Variants in SGCZ observed in about 807,000 individuals in gnomAD.
SGCZ encodes zeta-sarcoglycan.
In SGCZ, 40 loss-of-function variants were observed where a neutral mutation model predicts 41.3. That is an observed-to-expected ratio of 0.97 (90% CI 0.75 to 1.26). SGCZ has a LOEUF of 1.26. Among genes scored for constraint, SGCZ ranks in the 50% most tolerant of loss-of-function variants. The pLI is 0.00. For synonymous variants in SGCZ, 206 were observed against 137.5 expected (o/e 1.50, Z -3.49); for missense variants, 552 against 369.8 (o/e 1.49, Z -4.04).
At chr8:14,348,723 G>T (rs1802980288) in intron 2 of SGCZ, among the ~76,000 whole-genome samples, 1 of 152,202 alleles carries the variant, frequency 6.6e-6, no homozygotes, top group East Asian at 1.9e-4. Flanking sequence ...CTGATTTGGT[G>T]TAAGAAGAAC....
chr8:14,972,790 T>G (rs1801344966), intron 1 of SGCZ, among the ~76,000 whole-genome samples: 1 of 152,134 alleles, frequency 6.6e-6, no homozygotes, highest in Non-Finnish European at 1.5e-5. Flanking sequence ...ATATCTGCAC[T>G]CCTGATCTTT....
At chr8:14,245,289 C>T (rs1045785574) in intron 3 of SGCZ, among the ~76,000 whole-genome samples, 8 of 152,024 alleles carry the variant, frequency 5.3e-5, no homozygotes, top group African/African-American at 1.2e-4. Context: ...GAAATAACGC[C>T]GCATATCTAC....
At chr8:14,751,761 G>A (rs992049176) in intron 1 of SGCZ, among the ~76,000 whole-genome samples, 10 of 151,994 alleles carry the variant, frequency 6.6e-5, no homozygotes, top group Admixed American at 5.9e-4. Flanking sequence ...TGTTAGCCAG[G>A]ATGGTCTTGA....
In SGCZ at chr8:14,886,019, AT is replaced by A. The variant is rs1563339156; in HGVS notation, c.40-331094del. On this transcript the variant is annotated intron_variant, in intron 1 of 7. Coordinates refer to ENST00000382080, the MANE Select transcript of SGCZ (RefSeq NM_139167.4). ...TATATATATATATATATATATATAT[AT>A]ATATATATATATATAAAATTGTATA... Among the ~76,000 whole-genome samples the A allele has an allele frequency of 1.2e-4, 14 of 119,392 alleles. 1 individual carries two copies. The highest frequency in any genetic ancestry group is 4.3e-4 in the African/African-American group (13 of 30,008). The allele number at this position is 119,392 out of a possible 152,430, so 78.3% of individuals were successfully genotyped here. A position where few individuals can be genotyped will look rare whatever the true frequency, so the allele number is the denominator to read the frequency against.
At chr8:14,259,247 T>C (rs1040106173) in intron 3 of SGCZ, among the ~76,000 whole-genome samples, 2 of 152,164 alleles carry the variant, frequency 1.3e-5, no homozygotes, top group Non-Finnish European at 2.9e-5. Context: ...CCCACAAAAA[T>C]GTATAAAAGG....
At chr8:15,024,969 A>G in intron 1 of SGCZ, among the ~76,000 whole-genome samples, 1 of 151,030 alleles carries the variant, frequency 6.6e-6, no homozygotes, top group East Asian at 1.9e-4. Flanking sequence ...TAAATAAATA[A>G]ATAATATAGT....
At chr8:15,126,628 T>C (rs1807698588) in intron 1 of SGCZ, among the ~76,000 whole-genome samples, 1 of 152,204 alleles carries the variant, frequency 6.6e-6, no homozygotes, top group African/African-American at 2.4e-5. Context: ...TGGCCAACTT[T>C]ACCTGGGAAA....
intron 4 of SGCZ, among the ~76,000 whole-genome samples, chr8:14,220,741 G>T (rs1195372944): frequency 6.6e-6 from 1 of 151,652 alleles, no homozygotes; most frequent in Non-Finnish European, 1.5e-5. Flanking sequence ...GAGCTGAGAT[G>T]ACACCACTGC....
chr8:15,216,548 G>T (rs182231877), intron 1 of SGCZ, among the ~76,000 whole-genome samples: 18 of 151,996 alleles, frequency 1.2e-4, no homozygotes, highest in Middle Eastern at 6.8e-3. Flanking sequence ...GATGTTGGAC[G>T]TAACAAAGAC....
At chr8:14,559,879 G>T (rs1385268775) in intron 1 of SGCZ, among the ~76,000 whole-genome samples, 1 of 151,894 alleles carries the variant, frequency 6.6e-6, no homozygotes, top group Non-Finnish European at 1.5e-5. Flanking sequence ...CCTTAAAACT[G>T]ACCATAAAGC....
intron 1 of SGCZ, among the ~76,000 whole-genome samples, chr8:14,651,408 G>A (rs111296138): frequency 6.6e-6 from 1 of 152,040 alleles, no homozygotes; most frequent in East Asian, 1.9e-4. Flanking sequence ...AAGATACAAC[G>A]GAATTTTAAA....
chr8:15,191,593 A>G (rs535023978), intron 1 of SGCZ, among the ~76,000 whole-genome samples: 1 of 152,184 alleles, frequency 6.6e-6, no homozygotes, highest in South Asian at 2.1e-4. Flanking sequence ...AAAATATTTC[A>G]GTCATCATTA....
At chr8:14,368,878 C>T (rs1803811629) in intron 2 of SGCZ, among the ~76,000 whole-genome samples, 1 of 151,768 alleles carries the variant, frequency 6.6e-6, no homozygotes, top group South Asian at 2.1e-4. Context: ...AAATCAAACA[C>T]CATAGAAAAC....
At chr8:14,468,242 T>A (rs967611391) in intron 2 of SGCZ, among the ~76,000 whole-genome samples, 1 of 152,050 alleles carries the variant, frequency 6.6e-6, no homozygotes, top group Non-Finnish European at 1.5e-5. Context: ...ACAGATTGGG[T>A]GATAGGCATC....
chr8:14,985,518 CAG>C (rs746405760), intron 1 of SGCZ, among the ~76,000 whole-genome samples: 4 of 152,112 alleles, frequency 2.6e-5, no homozygotes, highest in Non-Finnish European at 4.4e-5. Flanking sequence ...CCCAGAGATT[CAG>C]AGTCTGACCT....
intron 2 of SGCZ, 110 bp downstream of exon 2, chr8:14,554,622 C>G (rs1424045153): frequency 1.2e-5 from 11 of 892,460 alleles, no homozygotes; most frequent in Non-Finnish European, 1.8e-5. Flanking sequence ...TTTAAAAACA[C>G]ACACTTGTAA....
intron 4 of SGCZ, among the ~76,000 whole-genome samples, chr8:14,207,103 C>T (rs1805640063): frequency 3.0e-5 from 1 of 33,800 alleles, no homozygotes; most frequent in Admixed American, 3.2e-4. Flanking sequence ...AGACCCCTTT[C>T]GATGTAAAGA....
intron 1 of SGCZ, among the ~76,000 whole-genome samples, chr8:14,867,602 C>T (rs561511748): frequency 6.4e-4 from 97 of 152,214 alleles, no homozygotes; most frequent in African/African-American, 2.1e-3. Flanking sequence ...TCCACAACCT[C>T]GCCAGCATCT....
intron 1 of SGCZ, among the ~76,000 whole-genome samples, chr8:15,184,057 T>C (rs1338792982): frequency 6.6e-6 from 1 of 152,200 alleles, no homozygotes; most frequent in Admixed American, 6.5e-5. Context: ...TGAAATAATA[T>C]ATTTTTTATT....
Sources: gnomAD v4.1 joint callset for allele counts (sites outside exome capture counted in the v4.1 genomes callset) on GRCh38, gnomAD v4.1.1 for gene constraint, MANE v1.5 for transcripts, NCBI Gene and HGNC (gene_info 2026-07-23, HGNC 2026-07-21) for gene names.